The following CSMD1 variants were observed in gnomAD, a reference collection of about 807,000 sequenced individuals.
CSMD1 encodes CUB and sushi domain-containing protein 1.
CSMD1 carries 213 observed loss-of-function variants against 417.5 expected under a neutral mutation model. The observed-to-expected ratio is 0.51, with a 90% confidence interval of 0.46 to 0.57. The LOEUF (loss-of-function observed/expected upper bound fraction) is 0.57. Among genes scored for constraint, CSMD1 ranks in the 20% least tolerant of loss-of-function variants. The pLI, the probability that CSMD1 is intolerant of heterozygous loss-of-function variation, is 0.00. For synonymous variants in CSMD1, 2,862 were observed against 1,736.8 expected, an observed-to-expected ratio of 1.65 and a Z score of -16.11; for missense variants, 6,923 against 4,529.7, an observed-to-expected ratio of 1.53 and a Z score of -15.17.
At chr8:3,592,030 T>C (rs111986962) in intron 8 of CSMD1, among the ~76,000 whole-genome samples, 14 of 152,016 alleles carry the variant, frequency 9.2e-5, no homozygotes, top group African/African-American at 2.9e-4. Context: ...GATACATAAA[T>C]AGATGACAGA....
At chr8:3,745,108 T>C (rs896668638) in intron 6 of CSMD1, among the ~76,000 whole-genome samples, 1 of 152,238 alleles carries the variant, frequency 6.6e-6, no homozygotes, top group East Asian at 1.9e-4. Flanking sequence ...CCTAGATATG[T>C]GTCTTGAGAA....
chr8:3,634,376 G>C lies in CSMD1; in HGVS notation c.1010-17579C>G, dbSNP rs182547358. 3.5e-3 allele frequency among the ~76,000 whole-genome samples: 530 copies of C among 152,252 alleles called. 5 individuals carry two copies. The highest frequency in any genetic ancestry group is 0.012 in the African/African-American group (478 of 41,542). ...ACAAACTCCAGTTAAACTTCTATAG[G>C]CACCGAGGCTCAGGAGAGCTTCTGT... On this transcript the variant is annotated intron_variant, in intron 7 of 69. Transcript: ENST00000635120.
At chr8:3,382,072 A>G (rs556953626) in intron 18 of CSMD1, among the ~76,000 whole-genome samples, 1 of 152,232 alleles carries the variant, frequency 6.6e-6, no homozygotes, top group East Asian at 1.9e-4. Flanking sequence ...AGCCTGGCCA[A>G]CATGGCAAAA....
intron 9 of CSMD1, among the ~76,000 whole-genome samples, chr8:3,577,706 T>C (rs953900383): frequency 1.3e-5 from 2 of 152,220 alleles, no homozygotes; most frequent in Middle Eastern, 6.3e-3. Flanking sequence ...CTTAGGACAT[T>C]GTTGAAAGCT....
Position 3,708,359 on chromosome 8 carries a change from T to G in CSMD1, c.1009+55A>C, listed in dbSNP as rs958853744. 2.2e-5 allele frequency: 32 copies of G among 1,473,480 alleles called. No individual in the cohort carries two copies. In the East Asian group the frequency reaches 6.8e-4, roughly 31 times the overall value. The allele number at this position is 1,473,480 out of a possible 1,614,324, so 91.3% of individuals were successfully genotyped here. ...GGATCGCTTCTTAACTGCTCCATTC[T>G]CTCCTCTGCTTACAAGGGCGTATCA... On this transcript the variant is annotated intron_variant, in intron 7 of 69. Transcript: ENST00000635120.
At chr8:4,792,848 C>A (rs915967039) in intron 1 of CSMD1, among the ~76,000 whole-genome samples, 1 of 152,076 alleles carries the variant, frequency 6.6e-6, no homozygotes, top group East Asian at 1.9e-4. Context: ...TTTAACAGGT[C>A]TCTCCAGCAA....
intron 3 of CSMD1, among the ~76,000 whole-genome samples, chr8:4,303,420 CTGTTTT>C (rs1798084823): frequency 3.0e-4 from 28 of 92,300 alleles, no homozygotes; most frequent in African/African-American, 1.1e-3. Flanking sequence ...GGGCAGGAAG[CTGTTTT>C]TTTTTTTTTT....
intron 7 of CSMD1, among the ~76,000 whole-genome samples, chr8:3,679,518 C>G (rs757163541): frequency 2.6e-5 from 4 of 152,108 alleles, no homozygotes; most frequent in Non-Finnish European, 4.4e-5. Context: ...AATACAGGAG[C>G]ACCCAGATTC....
chr8:3,826,257 C>T (rs1333209987), intron 5 of CSMD1, among the ~76,000 whole-genome samples: 1 of 152,082 alleles, frequency 6.6e-6, no homozygotes, highest in Non-Finnish European at 1.5e-5. Context: ...TCAGCCCAGG[C>T]ACGGGTCACC....
chr8:4,726,884 T>G (rs766627544), intron 1 of CSMD1, among the ~76,000 whole-genome samples: 2 of 152,176 alleles, frequency 1.3e-5, no homozygotes, highest in Non-Finnish European at 2.9e-5. Flanking sequence ...AAAAACATTA[T>G]TAGAAATATG....
intron 1 of CSMD1, among the ~76,000 whole-genome samples, chr8:4,876,576 T>A (rs1262798120): frequency 6.6e-6 from 1 of 152,168 alleles, no homozygotes; most frequent in African/African-American, 2.4e-5. Flanking sequence ...ACAAGGATGC[T>A]TATTCATAAT....
chr8:4,493,433 C>T (rs1050041075), intron 2 of CSMD1, among the ~76,000 whole-genome samples: 8 of 152,200 alleles, frequency 5.3e-5, no homozygotes, highest in African/African-American at 1.9e-4. Flanking sequence ...TGGTGGTTCA[C>T]GCCTGTAATG....
chr8:3,292,177 C>A (rs929905915), intron 25 of CSMD1, among the ~76,000 whole-genome samples: 11 of 152,188 alleles, frequency 7.2e-5, no homozygotes, highest in Non-Finnish European at 1.5e-4. Flanking sequence ...TTTGATTGCA[C>A]TGTGGTCTGA....
Position 3,977,198 on chromosome 8 carries a change from A to C in CSMD1, c.818+20705T>G, listed in dbSNP as rs1430576996. Among the ~76,000 whole-genome samples the C allele has an allele frequency of 3.9e-5, 6 of 152,274 alleles. No homozygotes were observed. The South Asian group carries it at 6.2e-4, about 16-fold the overall frequency. On this transcript the variant is annotated intron_variant, in intron 5 of 69. Coordinates refer to ENST00000635120, the MANE Select transcript of CSMD1 (RefSeq NM_033225.6). ...AATCTTTCCATTTCCCTGGGATCAC[A>C]ATCAGTGAACACGTGCTCTATTTCT...
chr8:3,126,358 G>C (rs921943854), intron 41 of CSMD1, among the ~76,000 whole-genome samples: 2 of 152,182 alleles, frequency 1.3e-5, no homozygotes, highest in Admixed American at 6.5e-5. Context: ...CTCTGATGGA[G>C]ACAGACCCAG....
chr8:4,314,031 A>G (rs1312277426), intron 3 of CSMD1, among the ~76,000 whole-genome samples: 1 of 150,750 alleles, frequency 6.6e-6, no homozygotes, highest in Non-Finnish European at 1.5e-5. Context: ...TAATAATAAT[A>G]ATAATGATAA....
At chr8:3,919,676 A>G (rs1809093080) in intron 5 of CSMD1, among the ~76,000 whole-genome samples, 2 of 152,088 alleles carry the variant, frequency 1.3e-5, no homozygotes, top group Non-Finnish European at 2.9e-5. Flanking sequence ...TAAAAATGCC[A>G]TTGGAATTTT....
intron 49 of CSMD1, among the ~76,000 whole-genome samples, chr8:3,063,013 T>C (rs1812684866): frequency 6.6e-6 from 1 of 152,158 alleles, no homozygotes; most frequent in Non-Finnish European, 1.5e-5. Flanking sequence ...GACACTGCTG[T>C]GTGTCATAAA....
At position 3,258,451 on chromosome 8, in the gene CSMD1, T is replaced by C. The variant is rs79213586; in HGVS notation, c.4153+25693A>G. Among the ~76,000 whole-genome samples the C allele has an allele frequency of 6.4e-3, 976 of 152,242 alleles. 8 individuals are homozygous for C. The highest frequency in any genetic ancestry group is 0.022 in the African/African-American group (902 of 41,550). On this transcript the variant is annotated intron_variant, in intron 26 of 69. Coordinates refer to ENST00000635120, the MANE Select transcript of CSMD1 (RefSeq NM_033225.6). ...TGAAAAACCGAGATATAAAAGATGC[T>C]GGTGAGGTTGTGGAGAGAAAGGAAC...
Sources: allele counts gnomAD v4.1 joint callset (sites outside exome capture counted in the v4.1 genomes callset), GRCh38; gene constraint gnomAD v4.1.1; transcripts MANE v1.5; gene names NCBI Gene and HGNC (gene_info 2026-07-23, HGNC 2026-07-21).